Variants in PKD2L2 observed in about 807,000 individuals in gnomAD.
The protein encoded by PKD2L2 is polycystin 2 like 2, transient receptor potential cation channel, also known as polycystin-2-like protein 2.
In PKD2L2, 67 loss-of-function variants were observed where a neutral mutation model predicts 83.9. That is an observed-to-expected ratio of 0.80 (90% CI 0.66 to 0.98). The LOEUF is 0.98. PKD2L2 is among the 50% of genes least tolerant of loss of function. PKD2L2 has a pLI of 0.00. For missense variants in PKD2L2, 632 were observed against 717.2 expected (o/e 0.88, Z 1.36); for synonymous variants, 223 against 237.8 (o/e 0.94, Z 0.57).
intron 12 of PKD2L2, among the ~76,000 whole-genome samples, chr5:137,926,970 T>G (rs1256918445): frequency 6.6e-6 from 1 of 152,174 alleles, no homozygotes; most frequent in Non-Finnish European, 1.5e-5. Context: ...GAGTCTGGAA[T>G]AGCTTATTGA....
At chr5:137,931,856 G>A (rs1020644840) in intron 12 of PKD2L2, among the ~76,000 whole-genome samples, 4 of 152,066 alleles carry the variant, frequency 2.6e-5, no homozygotes, top group African/African-American at 7.2e-5. Context: ...AATTTTCTAG[G>A]TATATGATGA....
chr5:137,896,804 A>C (rs995864893), intron 4 of PKD2L2, among the ~76,000 whole-genome samples: 1 of 152,082 alleles, frequency 6.6e-6, no homozygotes, highest in Non-Finnish European at 1.5e-5. Flanking sequence ...TTAGCATCTC[A>C]ATATAGTTAT....
intron 8 of PKD2L2, among the ~76,000 whole-genome samples, chr5:137,920,835 G>A (rs1328386606): frequency 6.6e-6 from 1 of 151,872 alleles, no homozygotes; most frequent in Non-Finnish European, 1.5e-5. Flanking sequence ...CTTGAGACTA[G>A]CAAGTGACAA....
At chr5:137,894,275 C>T (rs907416713) in intron 3 of PKD2L2, 78 bp from the exon 4 acceptor site, 13 of 1,224,096 alleles carry the variant, frequency 1.1e-5, no homozygotes, top group Non-Finnish European at 1.5e-5. Context: ...CTCAAAATCT[C>T]TTATGCATAA....
At chr5:137,937,772 A>G (rs1760591510) in intron 14 of PKD2L2, among the ~76,000 whole-genome samples, 1 of 152,202 alleles carries the variant, frequency 6.6e-6, no homozygotes, top group Non-Finnish European at 1.5e-5. Context: ...AAGGGAATGA[A>G]CAACATGGCC....
In PKD2L2 at chr5:137,926,486, C is replaced by T. The variant is rs1759386681; in HGVS notation, c.1671+557C>T. Reference sequence around the variant, plus strand: ...GCAAGCAAATAAATATTGAAGTTCTCATTTTCGGATAAAGGAATTATACAA... The same window carrying T: ...GCAAGCAAATAAATATTGAAGTTCTTATTTTCGGATAAAGGAATTATACAA... On this transcript the variant is annotated intron_variant, in intron 12 of 14. Coordinates refer to ENST00000508883, the MANE Select transcript of PKD2L2 (RefSeq NM_001300921.2). 2.6e-5 allele frequency among the ~76,000 whole-genome samples: 4 copies of T among 152,072 alleles called. No individual in the cohort carries two copies. In the South Asian group the frequency reaches 6.2e-4, roughly 24 times the overall value.
chr5:137,915,946 C>A (rs573597763), intron 8 of PKD2L2, among the ~76,000 whole-genome samples: 3 of 152,110 alleles, frequency 2.0e-5, no homozygotes, highest in African/African-American at 7.2e-5. Context: ...TAGGATAGAT[C>A]TAGTGATAAT....
chr5:137,890,459 A>T (rs1755864693), intron 1 of PKD2L2, 22 bp from the exon 2 acceptor site: 1 of 1,363,308 alleles, frequency 7.3e-7, no homozygotes, highest in African/African-American at 1.5e-5. Context: ...TGTAAAGAAA[A>T]ATTTTGTCTT....
intron 12 of PKD2L2, among the ~76,000 whole-genome samples, chr5:137,929,332 A>T (rs1759640374): frequency 6.6e-6 from 1 of 151,908 alleles, no homozygotes; most frequent in African/African-American, 2.4e-5. Flanking sequence ...ATGGTGGCTC[A>T]TGCCTGTAAT....
At chr5:137,935,222 G>C (rs894132034) in intron 12 of PKD2L2, among the ~76,000 whole-genome samples, 1 of 152,200 alleles carries the variant, frequency 6.6e-6, no homozygotes, top group African/African-American at 2.4e-5. Flanking sequence ...TTTGGACACT[G>C]TAAGGAAAGC....
chr5:137,905,682 G>T (rs1346828614), intron 5 of PKD2L2, among the ~76,000 whole-genome samples: 1 of 151,968 alleles, frequency 6.6e-6, no homozygotes, highest in Non-Finnish European at 1.5e-5. Flanking sequence ...CTTTGTATCC[G>T]CATCCAACAG....
chr5:137,899,460 G>T, intron 4 of PKD2L2, 56 bp from the exon 5 acceptor site: 1 of 1,171,270 alleles, frequency 8.5e-7, no homozygotes, highest in South Asian at 1.3e-5. Flanking sequence ...TAAATTCTTA[G>T]AATACTTCTC....
intron 6 of PKD2L2, among the ~76,000 whole-genome samples, chr5:137,906,710 T>A (rs1757398816): frequency 1.3e-5 from 2 of 151,996 alleles, no homozygotes; most frequent in South Asian, 2.1e-4. Flanking sequence ...TAGGCCTCCC[T>A]ACCCCTACTT....
chr5:137,909,793 T>C (rs951422537), intron 8 of PKD2L2, among the ~76,000 whole-genome samples: 29 of 152,040 alleles, frequency 1.9e-4, no homozygotes, highest in Non-Finnish European at 1.8e-4. Context: ...CCTCGGCCTT[T>C]CAAAAGTGCT....
chr5:137,906,687 T>G (rs1040231726), intron 6 of PKD2L2, among the ~76,000 whole-genome samples: 5 of 152,196 alleles, frequency 3.3e-5, no homozygotes, highest in African/African-American at 9.7e-5. Flanking sequence ...ATATTACGCT[T>G]TAATGTGCAC....
intron 4 of PKD2L2, among the ~76,000 whole-genome samples, chr5:137,895,159 C>T (rs13354304): frequency 0.038 from 5,647 of 147,772 alleles, 371 homozygotes; most frequent in African/African-American, 0.13. Flanking sequence ...GGTGTAGACT[C>T]GTGTACACTT....
At chr5:137,915,350 G>A (rs1314307521) in intron 8 of PKD2L2, among the ~76,000 whole-genome samples, 2 of 152,144 alleles carry the variant, frequency 1.3e-5, no homozygotes, top group Admixed American at 6.5e-5. Flanking sequence ...GAATTTACCA[G>A]TGAAGCCAGA....
chr5:137,931,805 A>C (rs778284417), intron 12 of PKD2L2, among the ~76,000 whole-genome samples: 8 of 152,238 alleles, frequency 5.3e-5, no homozygotes, highest in Non-Finnish European at 1.0e-4. Flanking sequence ...AGGTATTTCT[A>C]ATTGAAAAAA....
At chr5:137,890,410 T>G (rs1226191426) in intron 1 of PKD2L2, 71 bp from the exon 2 acceptor site, 168 of 786,484 alleles carry the variant, frequency 2.1e-4, no homozygotes, top group Middle Eastern at 3.1e-4. Flanking sequence ...AAAGTGGCTG[T>G]GGTTTTTCCA....
Sources: allele counts gnomAD v4.1 joint callset (sites outside exome capture counted in the v4.1 genomes callset), GRCh38; gene constraint gnomAD v4.1.1; transcripts MANE v1.5; gene names NCBI Gene and HGNC (gene_info 2026-07-23, HGNC 2026-07-21).